Variants in PHACTR3 observed in about 807,000 individuals in gnomAD.
The protein encoded by PHACTR3 is protein phosphatase 1, regulatory subunit 123.
A neutral mutation model predicts 66.8 loss-of-function variants in PHACTR3; 16 were observed. The observed-to-expected ratio is 0.24, with a 90% CI of 0.16 to 0.36. The LOEUF is 0.36. PHACTR3 is among the 10% of genes least tolerant of loss of function. The probability of loss-of-function intolerance (pLI) is 1.00; values close to 1 mark genes in which losing one functional copy is unlikely to be tolerated. For synonymous variants in PHACTR3, 323 were observed against 292.1 expected (o/e 1.11, Z -1.08); for missense variants, 647 against 719.9 (o/e 0.90, Z 1.16).
chr20:59,720,707 G>A (rs2038261873), intron 1 of PHACTR3, among the ~76,000 whole-genome samples: 1 of 152,176 alleles, frequency 6.6e-6, no homozygotes, highest in Admixed American at 6.5e-5. Flanking sequence ...ATCCTCTTAA[G>A]AAGGATTTAA....
At chr20:59,669,733 G>A (rs61394810) in intron 1 of PHACTR3, among the ~76,000 whole-genome samples, 5,515 of 152,216 alleles carry the variant, frequency 0.036, 338 homozygotes, top group African/African-American at 0.13. Context: ...GACATGTGGC[G>A]GTTATGACTG....
intron 4 of PHACTR3, among the ~76,000 whole-genome samples, chr20:59,764,712 G>A (rs2040121706): frequency 6.6e-6 from 1 of 152,200 alleles, no homozygotes; most frequent in Admixed American, 6.5e-5. Flanking sequence ...AGTACCCTGA[G>A]AGCGTAACCC....
chr20:59,788,183 C>G (rs2040979988), intron 7 of PHACTR3, among the ~76,000 whole-genome samples: 7 of 152,206 alleles, frequency 4.6e-5, no homozygotes. Context: ...AGCTCCCACA[C>G]ATAAGTGAGA....
rs4812130 is a variant in PHACTR3 at position 59,771,044 on chromosome 20, G to C, written c.752-2235G>C. On this transcript the variant is annotated intron_variant, in intron 5 of 12. Coordinates refer to ENST00000371015, the MANE Select transcript of PHACTR3 (RefSeq NM_080672.5). ...TGACAAGTGGTCCCCTGCACAAGCT[G>C]GGTGGGGCGAGCCAGGCAAAGCTCT... 3.9e-5 allele frequency among the ~76,000 whole-genome samples: 6 copies of C among 152,142 alleles called. No homozygotes were observed. The South Asian group carries it at 6.2e-4, about 16-fold the overall frequency.
chr20:59,738,218 G>A lies in PHACTR3; in HGVS notation c.119-4889G>A, dbSNP rs6015566. Among the ~76,000 whole-genome samples, 76,114 of 151,788 alleles carry A rather than the reference G, an allele frequency of 0.5. 19,383 individuals are homozygous for A. The highest frequency in any genetic ancestry group is 0.61 in the East Asian group (3,152 of 5,144). ...TCAACCTCCTGTTAGTAAGTGGCAG[G>A]GCCAGGAGGGGAGCCTGGGGTGCCT... is the stretch of plus-strand genomic sequence containing the variant. On this transcript the variant is annotated intron_variant, in intron 1 of 12. Coordinates refer to ENST00000371015, the MANE Select transcript of PHACTR3 (RefSeq NM_080672.5). The surrounding 1 kb of genome is among the most constrained non-coding windows in gnomAD (Gnocchi z 4.4).
At chr20:59,688,683 G>GTT (rs542343705) in intron 1 of PHACTR3, among the ~76,000 whole-genome samples, 24 of 149,722 alleles carry the variant, frequency 1.6e-4, no homozygotes, top group African/African-American at 5.4e-4. Context: ...TTTGTTTTTT[G>GTT]TTTTTTTTTC....
Position 59,636,374 on chromosome 20 carries a change from G to A in PHACTR3, c.118+31242G>A, listed in dbSNP as rs368904704. On this transcript the variant is annotated intron_variant, in intron 1 of 12. Coordinates refer to ENST00000371015, the MANE Select transcript of PHACTR3 (RefSeq NM_080672.5). ...CATTCAATATTCATAACCACCTGAGGAGCTGGGTGCTATTTATCCCCATTT... is the reference window on the plus strand; with the variant it reads ...CATTCAATATTCATAACCACCTGAGAAGCTGGGTGCTATTTATCCCCATTT... Among the ~76,000 whole-genome samples, 11 of 152,304 alleles carry A rather than the reference G, an allele frequency of 7.2e-5. No individual in the cohort carries two copies. The East Asian group carries it at 1.9e-3, about 27-fold the overall frequency.
intron 2 of PHACTR3, among the ~76,000 whole-genome samples, chr20:59,743,562 C>T (rs1280792703): frequency 2.0e-5 from 3 of 152,224 alleles, no homozygotes; most frequent in African/African-American, 7.2e-5. Flanking sequence ...AACGAAGCCT[C>T]TGATTTACTT....
chr20:59,641,797 A>G (rs899044916), intron 1 of PHACTR3, among the ~76,000 whole-genome samples: 7 of 152,246 alleles, frequency 4.6e-5, no homozygotes, highest in African/African-American at 1.7e-4. Flanking sequence ...CACAGCCTTG[A>G]GGCAGAGATT....
At chr20:59,708,275 G>A (rs1211551039) in intron 1 of PHACTR3, among the ~76,000 whole-genome samples, 1 of 152,190 alleles carries the variant, frequency 6.6e-6, no homozygotes, top group African/African-American at 2.4e-5. Context: ...CACAACCATG[G>A]TGCCTGTGTC....
chr20:59,762,767 G>A (rs987435510), intron 4 of PHACTR3, among the ~76,000 whole-genome samples: 3 of 152,270 alleles, frequency 2.0e-5, no homozygotes, highest in African/African-American at 7.2e-5. Context: ...GGGGTGGGAA[G>A]CATTGCCAGG....
At chr20:59,615,181 G>A (rs765410341) in intron 1 of PHACTR3, among the ~76,000 whole-genome samples, 4 of 152,140 alleles carry the variant, frequency 2.6e-5, no homozygotes, top group Non-Finnish European at 4.4e-5. Flanking sequence ...TAGTAATAAT[G>A]TAGTGGTGGT....
intron 4 of PHACTR3, among the ~76,000 whole-genome samples, chr20:59,764,508 A>G (rs918034314): frequency 5.3e-5 from 8 of 152,140 alleles, no homozygotes; most frequent in South Asian, 4.1e-4. Context: ...GGTATTTTAT[A>G]CAGATTATTG....
rs1008137563 is a variant in PHACTR3 at position 59,738,182 on chromosome 20, G to A, written c.119-4925G>A. Reference sequence around the variant, plus strand: ...AAGGCCCTGGCAAAGGGGATGCAGGGAGTCAATGCTTCAACCTCCTGTTAG... The same window carrying A: ...AAGGCCCTGGCAAAGGGGATGCAGGAAGTCAATGCTTCAACCTCCTGTTAG... On this transcript the variant is annotated intron_variant, in intron 1 of 12. Coordinates refer to ENST00000371015, the MANE Select transcript of PHACTR3 (RefSeq NM_080672.5). The surrounding 1 kb of genome is among the most constrained non-coding windows in gnomAD (Gnocchi z 4.4). Among the ~76,000 whole-genome samples the A allele has an allele frequency of 2.6e-5, 4 of 152,056 alleles. No homozygotes were observed. Among genetic ancestry groups the A allele is most frequent in the African/African-American group, 9.7e-5 (4 of 41,426 alleles).
chr20:59,628,470 G>A (rs777660397), intron 1 of PHACTR3: 7 of 209,894 alleles, frequency 3.3e-5, no homozygotes, highest in Non-Finnish European at 5.8e-5. Flanking sequence ...CACTGTCCCC[G>A]CAGCCTGCAC....
chr20:59,604,681 G>T lies in PHACTR3; in HGVS notation c.-334G>T. 9.9e-7 allele frequency: 1 copy of T among 1,011,808 alleles called. No individual in the cohort carries two copies. Among genetic ancestry groups the T allele is most frequent in the Non-Finnish European group, 1.2e-6 (1 of 848,412 alleles). The allele number at this position is 1,011,808 out of a possible 1,614,324, so 62.7% of individuals were successfully genotyped here. A position where few individuals can be genotyped will look rare whatever the true frequency, so the allele number is the denominator to read the frequency against. On this transcript the variant is annotated 5_prime_UTR_variant, in exon 1 of 13. Transcript: ENST00000371015. ...CCAAGCACGCAATAAACACTGACAAGAAAAAGTTTTTATTTCCTGGTTCAA... is the reference window on the plus strand; with the variant it reads ...CCAAGCACGCAATAAACACTGACAATAAAAAGTTTTTATTTCCTGGTTCAA...
rs118177776 is a variant in PHACTR3, at chr20:59,817,840, T to C, written c.1328+11646T>C. Among the ~76,000 whole-genome samples, 33 of 152,354 alleles carry C rather than the reference T, an allele frequency of 2.2e-4. No individual in the cohort carries two copies. In the South Asian group the frequency reaches 3.9e-3, roughly 18 times the overall value. On this transcript the variant is annotated intron_variant, in intron 8 of 12. Coordinates refer to ENST00000371015, the MANE Select transcript of PHACTR3 (RefSeq NM_080672.5). Reference sequence around the variant, plus strand: ...GCAATGTGTGCACCCAGAAAACATATTTGTGGACCAGATTTGGCCCGGGAC... The same window carrying C: ...GCAATGTGTGCACCCAGAAAACATACTTGTGGACCAGATTTGGCCCGGGAC...
chr20:59,837,582 G>T (rs71321556), intron 9 of PHACTR3, among the ~76,000 whole-genome samples: 1,663 of 152,262 alleles, frequency 0.011, 12 homozygotes, highest in Middle Eastern at 0.031. Flanking sequence ...AGTGACTACT[G>T]TTCTATGTTA....
intron 9 of PHACTR3, among the ~76,000 whole-genome samples, chr20:59,838,672 T>C (rs2059007630): frequency 6.6e-6 from 1 of 152,232 alleles, no homozygotes; most frequent in Non-Finnish European, 1.5e-5. Context: ...CCATTGCCCA[T>C]CTTCTTAACT....
Sources: gnomAD v4.1 joint callset for allele counts (sites outside exome capture counted in the v4.1 genomes callset) on GRCh38, gnomAD v4.1.1 for gene constraint, Gnocchi (gnomAD v3.1) non-coding constraint, MANE v1.5 for transcripts, NCBI Gene and HGNC (gene_info 2026-07-23, HGNC 2026-07-21) for gene names.